RARB: variants seen among roughly 807,000 people sequenced by gnomAD.
The protein encoded by RARB is retinoic acid receptor beta, also known as HBV-activated protein.
RARB carries 17 observed loss-of-function variants against 51.9 expected under a neutral mutation model. That is an observed-to-expected ratio of 0.33 (90% CI 0.22 to 0.49). RARB has a LOEUF of 0.49. Among genes scored for constraint, RARB ranks in the 20% least tolerant of loss-of-function variants. The pLI, the probability that RARB is intolerant of heterozygous loss-of-function variation, is 0.99. For missense variants in RARB, 369 were observed against 550.8 expected, an observed-to-expected ratio of 0.67 and a Z score of 3.30; for synonymous variants, 215 against 195.4, an observed-to-expected ratio of 1.10 and a Z score of -0.84.
At chr3:25,025,471 A>G (rs1255283305) in intron 2 of RARB, among the ~76,000 whole-genome samples, 1 of 152,220 alleles carries the variant, frequency 6.6e-6, no homozygotes, top group East Asian at 1.9e-4. Flanking sequence ...ATGATTCATT[A>G]TCTCTCTTTG....
rs1370050145 is a variant in RARB at position 25,202,872 on chromosome 3, G to T, written c.178+28297G>T. 2.0e-5 allele frequency among the ~76,000 whole-genome samples: 3 copies of T among 152,138 alleles called. No homozygotes were observed. The East Asian group carries it at 5.8e-4, about 29-fold the overall frequency. On this transcript the variant is annotated intron_variant, in intron 5 of 11. Coordinates refer to the RARB transcript ENST00000383772. ...CCTTCCAACTATGTGGTCAATTTTG[G>T]AATAACTGCAATGTGGTGCTGAGAA...
At chr3:24,933,992 A>C (rs1695496096) in intron 2 of RARB, among the ~76,000 whole-genome samples, 2 of 152,190 alleles carry the variant, frequency 1.3e-5, no homozygotes, top group African/African-American at 4.8e-5. Flanking sequence ...TATCCTTAGA[A>C]TCCTTAATCG....
chr3:25,323,315 A>G (rs991630072), intron 5 of RARB, among the ~76,000 whole-genome samples: 1 of 152,232 alleles, frequency 6.6e-6, no homozygotes, highest in African/African-American at 2.4e-5. Context: ...ACATTACAAA[A>G]GGACATGTGG....
At chr3:24,834,572 C>T (rs187912174) in intron 1 of RARB, among the ~76,000 whole-genome samples, 1 of 152,296 alleles carries the variant, frequency 6.6e-6, no homozygotes, top group Admixed American at 6.5e-5. Context: ...TCCTTGAGTT[C>T]ACTTCACTTT....
At chr3:24,899,974 C>T (rs1014792796) in intron 2 of RARB, among the ~76,000 whole-genome samples, 1 of 151,882 alleles carries the variant, frequency 6.6e-6, no homozygotes, top group African/African-American at 2.4e-5. Context: ...ATTTATATTG[C>T]AAGACATTTT....
chr3:24,905,428 C>G (rs1364500947), intron 2 of RARB, among the ~76,000 whole-genome samples: 1 of 152,192 alleles, frequency 6.6e-6, no homozygotes, highest in African/African-American at 2.4e-5. Flanking sequence ...TCTCACACTG[C>G]TCATCCTTCT....
intron 5 of RARB, among the ~76,000 whole-genome samples, chr3:25,585,272 A>G (rs145978706): frequency 1.4e-3 from 213 of 152,278 alleles, no homozygotes; most frequent in African/African-American, 4.9e-3. Context: ...AAGTCGCACT[A>G]TGCCCTCAGG....
intron 5 of RARB, among the ~76,000 whole-genome samples, chr3:25,585,016 C>T (rs569851648): frequency 1.3e-5 from 2 of 151,756 alleles, no homozygotes; most frequent in Admixed American, 1.3e-4. Flanking sequence ...TTCAGCTTGC[C>T]CCAGCTGTTG....
At chr3:24,913,385 TCTTTC>T (rs1295393422) in intron 2 of RARB, among the ~76,000 whole-genome samples, 1 of 134,416 alleles carries the variant, frequency 7.4e-6, no homozygotes, top group Non-Finnish European at 1.6e-5. Context: ...GACATAGTCT[TCTTTC>T]TCTCTCTCTC....
intron 2 of RARB, among the ~76,000 whole-genome samples, chr3:24,878,713 G>A (rs897377460): frequency 2.0e-5 from 3 of 152,036 alleles, no homozygotes; most frequent in Non-Finnish European, 2.9e-5. Context: ...CTTGGAGTCG[G>A]GGGTGAAGTC....
At chr3:25,208,857 C>G (rs1252565453) in intron 5 of RARB, among the ~76,000 whole-genome samples, 2 of 152,116 alleles carry the variant, frequency 1.3e-5, no homozygotes, top group Non-Finnish European at 2.9e-5. Flanking sequence ...CTGGGAAGCG[C>G]CTGCCTACTT....
chr3:25,362,082 C>T (rs902575850), intron 5 of RARB, among the ~76,000 whole-genome samples: 2 of 152,156 alleles, frequency 1.3e-5, no homozygotes, highest in African/African-American at 2.4e-5. Flanking sequence ...GCACCCACAG[C>T]CGCCCCTTCC....
At chr3:24,897,410 C>G (rs1310604055) in intron 2 of RARB, among the ~76,000 whole-genome samples, 2 of 152,184 alleles carry the variant, frequency 1.3e-5, no homozygotes, top group Non-Finnish European at 2.9e-5. Flanking sequence ...CTGAATTACA[C>G]TTTTGCAAAA....
At chr3:25,481,237 G>A (rs1034427964) in intron 2 of RARB, among the ~76,000 whole-genome samples, 4 of 152,252 alleles carry the variant, frequency 2.6e-5, no homozygotes, top group African/African-American at 2.4e-5. Context: ...TATTCTTTAA[G>A]TATTGGCAAT....
At chr3:25,465,025 A>T (rs551060040) in intron 2 of RARB, among the ~76,000 whole-genome samples, 1 of 152,296 alleles carries the variant, frequency 6.6e-6, no homozygotes, top group African/African-American at 2.4e-5. Context: ...GCCTTTAAGT[A>T]TATCTCTGAA....
chr3:24,944,873 A>T (rs942264278), intron 2 of RARB, among the ~76,000 whole-genome samples: 2 of 152,190 alleles, frequency 1.3e-5, no homozygotes, highest in Non-Finnish European at 2.9e-5. Context: ...GGCAAAGTAG[A>T]TATGAAGATA....
chr3:25,405,588 T>G (rs916290301), intron 5 of RARB, among the ~76,000 whole-genome samples: 2 of 152,218 alleles, frequency 1.3e-5, no homozygotes, highest in African/African-American at 4.8e-5. Flanking sequence ...AATGCCACAG[T>G]AAACACTCTA....
Position 25,160,961 on chromosome 3 carries a change from C to T in RARB, c.-279-13158C>T, listed in dbSNP as rs189323869. Among the ~76,000 whole-genome samples, 8 of 152,124 alleles carry T rather than the reference C, an allele frequency of 5.3e-5. No individual in the cohort carries two copies. In the East Asian group the frequency reaches 1.4e-3, roughly 26 times the overall value. On this transcript the variant is annotated intron_variant, in intron 4 of 11. Transcript: ENST00000383772. ...CCTTTGCCTCCCTCTTGTAAGAATC[C>T]CTGTAATTACACTGGGCTACCAGAT...
chr3:25,384,670 C>T (rs907845034), intron 5 of RARB, among the ~76,000 whole-genome samples: 2 of 152,192 alleles, frequency 1.3e-5, no homozygotes, highest in East Asian at 1.9e-4. Context: ...TTCTCTGCTA[C>T]AAGCTCACCG....
Sources: gnomAD v4.1 joint callset for allele counts (sites outside exome capture counted in the v4.1 genomes callset) on GRCh38, gnomAD v4.1.1 for gene constraint, MANE v1.5 for transcripts, NCBI Gene and HGNC (gene_info 2026-07-23, HGNC 2026-07-21) for gene names.